UQCRC1: variants seen among roughly 807,000 people sequenced by gnomAD.
UQCRC1 encodes ubiquinol-cytochrome c reductase core protein 1, also known as cytochrome b-c1 complex subunit 1, mitochondrial.
In UQCRC1, 34 loss-of-function variants were observed where a neutral mutation model predicts 58.0. The observed-to-expected ratio is 0.59, with a 90% CI of 0.45 to 0.78. The LOEUF is 0.78. Ranked by LOEUF, UQCRC1 falls within the 30% of genes least tolerant of loss-of-function variation. The pLI is 0.00. For missense variants in UQCRC1, 610 were observed against 646.0 expected (o/e 0.94, Z 0.60); for synonymous variants, 276 against 248.8 (o/e 1.11, Z -1.03).
chr3:48,605,865 G>C lies in UQCRC1; in HGVS notation c.211-9C>G, dbSNP rs774493161. On this transcript the variant is annotated splice_polypyrimidine_tract_variant and intron_variant, in intron 2 of 12. Transcript: ENST00000203407. ...TCAATCCACACTCCCACCTGGTCAA[G>C]AAGCCACCAGAAAAGGTTACAAACA... 56 of 1,612,978 alleles carry C rather than the reference G, an allele frequency of 3.5e-5. No homozygotes were observed. The highest frequency in any genetic ancestry group is 4.3e-5 in the Non-Finnish European group (51 of 1,179,620).
At chr3:48,609,052 C>T (rs560429107) in intron 2 of UQCRC1, 110 bp downstream of exon 2, 2 of 1,474,266 alleles carry the variant, frequency 1.4e-6, no homozygotes, top group African/African-American at 1.4e-5. Context: ...GTCCTGGGTC[C>T]GAACCCAAAC....
At chr3:48,600,400 G>C in intron 10 of UQCRC1, 82 bp downstream of exon 10, 1 of 1,541,212 alleles carries the variant, frequency 6.5e-7, no homozygotes, top group Non-Finnish European at 9.0e-7. Flanking sequence ...TTCTAACCTT[G>C]GTTAGTTAGG....
chr3:48,601,856 G>A (rs562115656), intron 6 of UQCRC1, among the ~76,000 whole-genome samples: 2 of 152,292 alleles, frequency 1.3e-5, no homozygotes, highest in Admixed American at 6.5e-5. Flanking sequence ...AAGTATTTCT[G>A]GCTGCTGGCC....
intron 6 of UQCRC1, 65 bp downstream of exon 6, chr3:48,603,499 A>C (rs116149309): frequency 0.021 from 32,140 of 1,545,844 alleles, 434 homozygotes; most frequent in Non-Finnish European, 0.025. Flanking sequence ...GGGAACCAGG[A>C]CCTCGGCTTT....
intron 3 of UQCRC1, among the ~76,000 whole-genome samples, 177 bp from the exon 4 acceptor site, chr3:48,604,957 C>A (rs1185369355): frequency 1.3e-5 from 2 of 152,108 alleles, no homozygotes; most frequent in African/African-American, 4.8e-5. Context: ...TTGAGGTGAC[C>A]AAAACCATGG....
chr3:48,599,945 G>T, intron 11 of UQCRC1, 118 bp downstream of exon 11: 1 of 1,307,754 alleles, frequency 7.6e-7, no homozygotes, highest in Non-Finnish European at 1.1e-6. Flanking sequence ...GGTGACAGCT[G>T]CCTAGGACAC....
In UQCRC1 at chr3:48,601,122, A is replaced by T; in HGVS notation, c.823-4T>A. 6.3e-7 allele frequency: 1 copy of T among 1,597,902 alleles called. No homozygotes were observed. The highest frequency in any genetic ancestry group is 8.6e-7 in the Non-Finnish European group (1 of 1,168,766). ...GAGCATCATCACGGTGGCGGATCTG[A>T]AACAGTACATGACAAGGCTGAGGAA... On this transcript the variant is annotated splice_polypyrimidine_tract_variant and splice_region_variant and intron_variant, in intron 7 of 12. Coordinates refer to ENST00000203407, the MANE Select transcript of UQCRC1 (RefSeq NM_003365.3).
intron 2 of UQCRC1, among the ~76,000 whole-genome samples, chr3:48,608,913 G>A (rs549749871): frequency 1.3e-5 from 2 of 152,324 alleles, no homozygotes; most frequent in Admixed American, 1.3e-4. Context: ...TTAACAAAAG[G>A]CTGGAAAAGA....
Position 48,600,125 on chromosome 3 carries a change from C to T in UQCRC1, c.1240G>A (p.Gly414Arg), listed in dbSNP as rs2046350393. 7 of 1,613,972 alleles carry T rather than the reference C, an allele frequency of 4.3e-6. No individual in the cohort carries two copies. Among genetic ancestry groups the T allele is most frequent in the Middle Eastern group, 1.6e-4 (1 of 6,084 alleles). The stretch of plus-strand genomic sequence containing the variant: ...CGGCCATAGGTCAGGAGGCTGCGTC[C>T]GATGTCCTCACACACAGGAGTAGTG... ...DGTTPVCEDI[G>R]RSLLTYGRRI... Residue 414 changes from glycine to arginine, a missense_variant, in exon 11 of 13, where the codon GGA becomes AGA. Physicochemically the swap from Gly to Arg is moderately radical, Grantham distance 125. Transcript: ENST00000203407.
At chr3:48,599,292 A>ATCT in intron 12 of UQCRC1, 100 bp from the exon 13 acceptor site, 1 of 1,321,140 alleles carries the variant, frequency 7.6e-7, no homozygotes, top group Non-Finnish European at 1.0e-6. Flanking sequence ...CCAGAGCAGC[A>ATCT]CAAGACAGGC....
intron 2 of UQCRC1, among the ~76,000 whole-genome samples, chr3:48,608,377 C>T (rs2046432519): frequency 6.6e-6 from 1 of 152,208 alleles, no homozygotes; most frequent in East Asian, 1.9e-4. Flanking sequence ...TTAAAATTGG[C>T]AAGATTCTTG....
intron 2 of UQCRC1, 97 bp downstream of exon 2, chr3:48,609,065 C>G: frequency 6.6e-7 from 1 of 1,507,690 alleles, no homozygotes; most frequent in Admixed American, 2.1e-5. Flanking sequence ...ACCCAAACCA[C>G]AAACGGGAAG....
At chr3:48,603,865 CA>C in intron 5 of UQCRC1, 1 of 596,454 alleles carries the variant, frequency 1.7e-6, no homozygotes, top group South Asian at 2.0e-5. Flanking sequence ...GACTTCAGGA[CA>C]GGCTCATAGT....
intron 12 of UQCRC1, 109 bp from the exon 13 acceptor site, chr3:48,599,301 G>A: frequency 2.4e-6 from 3 of 1,258,166 alleles, no homozygotes; most frequent in Non-Finnish European, 3.3e-6. Flanking sequence ...CACAAGACAG[G>A]CTTTGAGTGG....
At chr3:48,600,226 C>G (rs536201637) in intron 10 of UQCRC1, 75 bp from the exon 11 acceptor site, 1 of 1,537,644 alleles carries the variant, frequency 6.5e-7, no homozygotes, top group African/African-American at 1.4e-5. Context: ...CAATCTCCAG[C>G]CTCAGGTTGA....
In UQCRC1 at chr3:48,609,599, G is replaced by GA; in HGVS notation, c.21dup (p.Arg8SerfsTer44). The GA allele has an allele frequency of 6.4e-7, 1 of 1,570,424 alleles. No homozygotes were observed. Among genetic ancestry groups the GA allele is most frequent in the Non-Finnish European group, 8.6e-7 (1 of 1,162,270 alleles). On this transcript the variant is annotated frameshift_variant, in exon 1 of 13. Transcript: ENST00000203407. LOFTEE classifies it high-confidence loss of function. ...ACTTGTGCCCCGGCGGTAGCGGCCC[G>GA]ACAGACCACGGACGCCGCCATCTTC...
chr3:48,604,808 C>A (rs775878900), intron 3 of UQCRC1, 28 bp from the exon 4 acceptor site: 2 of 1,613,044 alleles, frequency 1.2e-6, no homozygotes, highest in South Asian at 1.1e-5. Flanking sequence ...CCAGAACAAT[C>A]AGGAGCTACA....
intron 2 of UQCRC1, among the ~76,000 whole-genome samples, chr3:48,608,483 C>T (rs2046433644): frequency 6.6e-6 from 1 of 152,210 alleles, no homozygotes; most frequent in South Asian, 2.1e-4. Flanking sequence ...TAACAAGTGA[C>T]ATATAACAAG....
chr3:48,605,165 T>C (rs1433723722), intron 3 of UQCRC1, among the ~76,000 whole-genome samples: 1 of 152,202 alleles, frequency 6.6e-6, no homozygotes, highest in Non-Finnish European at 1.5e-5. Context: ...ACTCCTCCCA[T>C]GCCATTCCCA....
Sources: gnomAD v4.1 joint callset for allele counts (sites outside exome capture counted in the v4.1 genomes callset) on GRCh38, gnomAD v4.1.1 for gene constraint, MANE v1.5 for transcripts, NCBI Gene and HGNC (gene_info 2026-07-23, HGNC 2026-07-21) for gene names.